Variants in COL28A1 observed in about 807,000 individuals in gnomAD.
COL28A1 encodes the protein collagen type XXVIII alpha 1 chain, also known as collagen alpha-1(XXVIII) chain.
COL28A1 carries 161 observed loss-of-function variants against 150.2 expected under a neutral mutation model. That is an observed-to-expected ratio of 1.07 (90% CI 0.94 to 1.22). The LOEUF (loss-of-function observed/expected upper bound fraction) is 1.22, where lower values mean the gene tolerates loss of function less well. Ranked by LOEUF, COL28A1 falls within the 50% of genes most tolerant of loss-of-function variation. The pLI, the probability that COL28A1 is intolerant of heterozygous loss-of-function variation, is 0.00. For synonymous variants in COL28A1, 552 were observed against 469.7 expected (o/e 1.18, Z -2.26); for missense variants, 1,617 against 1,388.3 (o/e 1.16, Z -2.62).
intron 15 of COL28A1, among the ~76,000 whole-genome samples, chr7:7,471,017 C>T (rs148546889): frequency 0.035 from 4,863 of 138,218 alleles, 325 homozygotes; most frequent in African/African-American, 0.13. Flanking sequence ...TGCTAGATGA[C>T]GAGTTAGTGG....
upstream of COL28A1, among the ~76,000 whole-genome samples, chr7:7,536,608 G>C (rs1252898655): frequency 6.6e-6 from 1 of 152,026 alleles, no homozygotes; most frequent in African/African-American, 2.4e-5. Flanking sequence ...AATATATACT[G>C]CCAAGAAGCC....
intron 9 of COL28A1, among the ~76,000 whole-genome samples, chr7:7,510,602 A>G (rs1226419122): frequency 1.3e-5 from 2 of 152,220 alleles, no homozygotes; most frequent in Non-Finnish European, 2.9e-5. Flanking sequence ...ATTTTTTAAA[A>G]TAAAGGTGAA....
At chr7:7,507,200 C>T in intron 9 of COL28A1, 39 bp from the exon 10 acceptor site, 1 of 877,262 alleles carries the variant, frequency 1.1e-6, no homozygotes, top group Non-Finnish European at 1.9e-6. Flanking sequence ...TCTAAATATA[C>T]ATCTTCAACG....
chr7:7,454,922 G>A lies in COL28A1; in HGVS notation c.1371+1122C>T, dbSNP rs78260629. Reference sequence around the variant, plus strand: ...TATCTTGGCTTCTTCTGTACCTTAAGATTCCTAATGTGTTAGACTAGGACC... The same window carrying A: ...TATCTTGGCTTCTTCTGTACCTTAAAATTCCTAATGTGTTAGACTAGGACC... On this transcript the variant is annotated intron_variant, in intron 16 of 34. Coordinates refer to ENST00000399429, the MANE Select transcript of COL28A1 (RefSeq NM_001037763.3). 6.0e-3 allele frequency among the ~76,000 whole-genome samples: 920 copies of A among 152,206 alleles called. 11 individuals are homozygous for A. The highest frequency in any genetic ancestry group is 0.022 in the African/African-American group (895 of 41,512).
intron 13 of COL28A1, among the ~76,000 whole-genome samples, chr7:7,483,153 T>A (rs535514728): frequency 5.9e-5 from 9 of 152,234 alleles, no homozygotes; most frequent in Non-Finnish European, 1.0e-4. Flanking sequence ...CCTTATGACT[T>A]ACAATGGGCT....
intron 11 of COL28A1, among the ~76,000 whole-genome samples, chr7:7,496,352 G>T (rs1391377431): frequency 6.6e-6 from 1 of 152,174 alleles, no homozygotes; most frequent in Non-Finnish European, 1.5e-5. Context: ...CTAGGGAGCA[G>T]GGGCTCTGCT....
chr7:7,377,524 G>A (rs1228036032), intron 30 of COL28A1, among the ~76,000 whole-genome samples: 1 of 152,180 alleles, frequency 6.6e-6, no homozygotes, highest in Non-Finnish European at 1.5e-5. Context: ...GGACAGGGAA[G>A]GGGAGCGTTC....
intron 9 of COL28A1, among the ~76,000 whole-genome samples, chr7:7,508,933 A>AAGCAATTCTCCTGCTCCAGCCTCC (rs1160933043): frequency 6.6e-6 from 1 of 152,136 alleles, no homozygotes; most frequent in African/African-American, 2.4e-5. Flanking sequence ...TCCCAGGTTC[A>AAGCAATTCTCCTGCTCCAGCCTCC]AGCAATTCTC....
chr7:7,365,127 A>G (rs1452859813), intron 33 of COL28A1, among the ~76,000 whole-genome samples: 1 of 132,606 alleles, frequency 7.5e-6, no homozygotes, highest in Non-Finnish European at 1.7e-5. Flanking sequence ...CTCTGGAGAG[A>G]GGAGGAAAAA....
intron 31 of COL28A1, among the ~76,000 whole-genome samples, chr7:7,374,024 T>TAAAA (rs1188442971): frequency 9.5e-5 from 11 of 116,326 alleles, no homozygotes; most frequent in African/African-American, 4.3e-4. Flanking sequence ...ACTTGACTCT[T>TAAAA]AAAAAAAAAA....
rs528051089 is a variant in COL28A1 at position 7,510,992 on chromosome 7, G to T, written c.927+99C>A. 46 of 909,066 alleles carry T rather than the reference G, an allele frequency of 5.1e-5. No homozygotes were observed. In the South Asian group the frequency reaches 5.9e-4, roughly 12 times the overall value. 56.3% of individuals were successfully genotyped at this position (909,066 alleles called of 1,614,324 possible). A position where few individuals can be genotyped will look rare whatever the true frequency, so the allele number is the denominator to read the frequency against. On this transcript the variant is annotated intron_variant, in intron 9 of 34. Coordinates refer to ENST00000399429, the MANE Select transcript of COL28A1 (RefSeq NM_001037763.3). ...AATTGAGCCATTGATTCCAACTCTAGTAGTGAGATCACCATAATTCAGCCC... is the reference window on the plus strand; with the variant it reads ...AATTGAGCCATTGATTCCAACTCTATTAGTGAGATCACCATAATTCAGCCC...
chr7:7,498,486 G>T (rs1025949111), intron 11 of COL28A1, among the ~76,000 whole-genome samples: 1 of 152,090 alleles, frequency 6.6e-6, no homozygotes, highest in South Asian at 2.1e-4. Context: ...GGAGTTATTG[G>T]TTAATGGGTA....
chr7:7,530,744 A>G (rs1159227692), intron 3 of COL28A1, among the ~76,000 whole-genome samples: 1 of 152,158 alleles, frequency 6.6e-6, no homozygotes, highest in Non-Finnish European at 1.5e-5. Flanking sequence ...TTGATGGGAG[A>G]AACTGTTGCT....
At chr7:7,459,236 G>T (rs1787407957) in intron 15 of COL28A1, among the ~76,000 whole-genome samples, 2 of 152,182 alleles carry the variant, frequency 1.3e-5, no homozygotes, top group Non-Finnish European at 2.9e-5. Context: ...CAATGGTTCT[G>T]TTGTATTCAG....
rs764145301 is a variant in COL28A1, at chr7:7,458,823, TAG to T, written c.1303-2713_1303-2712del. The stretch of plus-strand genomic sequence containing the variant: ...ACAGTCAAGTCCAACTCATAGCCAC[TAG>T]CCAAAACCCAACTCATAGCCACTAG... On this transcript the variant is annotated intron_variant, in intron 15 of 34. Coordinates refer to ENST00000399429, the MANE Select transcript of COL28A1 (RefSeq NM_001037763.3). Among the ~76,000 whole-genome samples the T allele has an allele frequency of 4.6e-3, 708 of 152,308 alleles. 5 individuals are homozygous for T. The highest frequency in any genetic ancestry group is 0.022 in the East Asian group (115 of 5,182).
chr7:7,426,801 GA>G (rs1784661535), intron 25 of COL28A1, among the ~76,000 whole-genome samples: 1 of 152,118 alleles, frequency 6.6e-6, no homozygotes, highest in Non-Finnish European at 1.5e-5. Flanking sequence ...ATGAGCAAAT[GA>G]TGGCCTTTTG....
intron 25 of COL28A1, among the ~76,000 whole-genome samples, chr7:7,425,006 G>T (rs944616939): frequency 9.9e-5 from 15 of 151,998 alleles, no homozygotes; most frequent in Non-Finnish European, 2.2e-4. Context: ...AGAAAGAGGA[G>T]AGCAAACACA....
rs140392185 is a variant in COL28A1, at chr7:7,487,423, C to T, written c.1164+1966G>A. On this transcript the variant is annotated intron_variant, in intron 13 of 34. Coordinates refer to ENST00000399429, the MANE Select transcript of COL28A1 (RefSeq NM_001037763.3). ...TGAAACCCTGTCTCTACAAAAACTACAAAAATTAGCCAGGCATGGTGGCGG... is the reference window on the plus strand; with the variant it reads ...TGAAACCCTGTCTCTACAAAAACTATAAAAATTAGCCAGGCATGGTGGCGG... Among the ~76,000 whole-genome samples, 970 of 152,094 alleles carry T rather than the reference C, an allele frequency of 6.4e-3. 7 individuals carry two copies. Among genetic ancestry groups the T allele is most frequent in the East Asian group, 0.022 (115 of 5,166 alleles).
chr7:7,512,213 G>C (rs762243757), intron 8 of COL28A1, among the ~76,000 whole-genome samples: 2 of 152,120 alleles, frequency 1.3e-5, no homozygotes, highest in Non-Finnish European at 2.9e-5. Flanking sequence ...AGGGGTAATT[G>C]GTGGAAACTT....
Sources: gnomAD v4.1 joint callset for allele counts (sites outside exome capture counted in the v4.1 genomes callset) on GRCh38, gnomAD v4.1.1 for gene constraint, MANE v1.5 for transcripts, NCBI Gene and HGNC (gene_info 2026-07-23, HGNC 2026-07-21) for gene names.